The following RIN3 variants were observed in gnomAD, a reference collection of about 807,000 sequenced individuals.
RIN3 encodes Ras and Rab interactor 3, also known as RAB5 interacting protein 3.
Under a neutral mutation model 76.3 loss-of-function variants are expected in RIN3, and 54 were observed. That is an observed-to-expected ratio of 0.71 (90% CI 0.57 to 0.89). The LOEUF is 0.89. RIN3 is among the 40% of genes least tolerant of loss of function. The pLI is 0.00. For synonymous variants in RIN3, 576 were observed against 564.0 expected (o/e 1.02, Z -0.30); for missense variants, 1,256 against 1,322.1 (o/e 0.95, Z 0.78).
At chr14:92,571,537 C>T (rs1898060966) in intron 2 of RIN3, among the ~76,000 whole-genome samples, 1 of 152,168 alleles carries the variant, frequency 6.6e-6, no homozygotes, top group African/African-American at 2.4e-5. Flanking sequence ...CTCACCCATA[C>T]TCACACACAC....
intron 1 of RIN3, among the ~76,000 whole-genome samples, chr14:92,526,476 C>A (rs115558146): frequency 6.6e-6 from 1 of 151,050 alleles, no homozygotes; most frequent in African/African-American, 2.4e-5. Flanking sequence ...ATAAATGGGC[C>A]GGGCGCAGTG....
In RIN3 at chr14:92,676,537, C is replaced by G. The variant is rs1888468288; in HGVS notation, c.2398C>G (p.Leu800Val). ...VLMYVLARSNLTEMLLNVEYM... is the reference protein window; with the variant it reads ...VLMYVLARSNVTEMLLNVEYM... ...CATGTATGTGCTGGCCCGCAGCAAC[C>G]TCACGGAGATGCTTCTCAATGTGGA... The change falls in exon 8 of 10, where the codon CTC becomes GTC. Residue 800 changes from leucine (L) to valine (V), a missense_variant. Around this residue, in one of 3 missense-constraint regions of RIN3, gnomAD observed 428 missense variants for 521.2 expected, o/e 0.82. Transcript: ENST00000216487. 6.2e-7 allele frequency: 1 copy of G among 1,614,038 alleles called. No homozygotes were observed. The highest frequency in any genetic ancestry group is 8.5e-7 in the Non-Finnish European group (1 of 1,180,024).
intron 5 of RIN3, among the ~76,000 whole-genome samples, chr14:92,650,316 G>A (rs1887366535): frequency 6.6e-6 from 1 of 152,244 alleles, no homozygotes; most frequent in African/African-American, 2.4e-5. Context: ...CAGGGCGAGT[G>A]CTTTCATGTT....
In RIN3 at chr14:92,661,723, T is replaced by TCACACACACA. The variant is rs778646491; in HGVS notation, c.2335+2281_2335+2290dup. On this transcript the variant is annotated intron_variant, in intron 7 of 9. Coordinates refer to ENST00000216487, the MANE Select transcript of RIN3 (RefSeq NM_024832.5). Reference sequence around the variant, plus strand: ...TGGGTGGTGACAGAGTGAGACTCTGTCACACACACACACACACACACACAC... The same window carrying TCACACACACA: ...TGGGTGGTGACAGAGTGAGACTCTGTCACACACACACACACACACACACACACACACACAC... Among the ~76,000 whole-genome samples the TCACACACACA allele has an allele frequency of 1.2e-3, 160 of 134,958 alleles. 1 individual carries two copies. The highest frequency in any genetic ancestry group is 2.9e-3 in the African/African-American group (100 of 34,928). 88.5% of individuals were successfully genotyped at this position (134,958 alleles called of 152,430 possible). A position where few individuals can be genotyped will look rare whatever the true frequency, so the allele number is the denominator to read the frequency against.
chr14:92,588,657 A>G (rs916362552), intron 3 of RIN3, among the ~76,000 whole-genome samples: 10 of 152,106 alleles, frequency 6.6e-5, no homozygotes, highest in Non-Finnish European at 1.5e-5. Flanking sequence ...GTTAGGTTTC[A>G]TCATAGGAAT....
chr14:92,577,458 C>T lies in RIN3; in HGVS notation c.348C>T (p.Thr116=), dbSNP rs757246601. ...NESSAEVLEY[T]IKEEKSILYL... is the part of the protein sequence containing the mutation. ...GCTCGGCCGAGGTGCTCGAATACAC[C>T]ATTAAGGAAGAAAAGTCGAGTAAGT... The change falls in exon 3 of 10, where the codon ACC becomes ACT. Residue 116 remains threonine (T), a synonymous_variant. Transcript: ENST00000216487. 1.9e-6 allele frequency: 3 copies of T among 1,611,666 alleles called. No homozygotes were observed. The highest frequency in any genetic ancestry group is 2.5e-6 in the Non-Finnish European group (3 of 1,178,250).
In RIN3 at chr14:92,643,494, C is replaced by T. The variant is rs964544930; in HGVS notation, c.532+2165C>T. On this transcript the variant is annotated intron_variant, in intron 5 of 9. Transcript: ENST00000216487. The surrounding 1 kb of genome is among the most constrained non-coding windows in gnomAD (Gnocchi z 4.8). ...GTTAGTTGTTGGGCTCCAACCCTCC[C>T]AGGATCTTGGATGTGGGACAGGTGA... is the stretch of plus-strand genomic sequence containing the variant. Among the ~76,000 whole-genome samples the T allele has an allele frequency of 1.3e-5, 2 of 152,208 alleles. No homozygotes were observed. The highest frequency in any genetic ancestry group is 2.9e-5 in the Non-Finnish European group (2 of 68,028).
intron 7 of RIN3, among the ~76,000 whole-genome samples, chr14:92,676,156 G>A (rs923094048): frequency 3.3e-5 from 5 of 151,882 alleles, no homozygotes; most frequent in African/African-American, 1.2e-4. Flanking sequence ...AATATGATGT[G>A]AATTTGTCTG....
intron 4 of RIN3, among the ~76,000 whole-genome samples, chr14:92,621,997 G>A (rs897900362): frequency 3.1e-4 from 47 of 152,186 alleles, no homozygotes; most frequent in African/African-American, 1.1e-3. Flanking sequence ...ACTCCAAAGA[G>A]TGCTGGAGCC....
intron 4 of RIN3, among the ~76,000 whole-genome samples, chr14:92,622,100 CCAGTAGA>C (rs147259894): frequency 0.038 from 5,851 of 152,180 alleles, 382 homozygotes; most frequent in African/African-American, 0.13. Context: ...TCCCACTTTC[CCAGTAGA>C]CAGTAAACTC....
chr14:92,577,033 T>C (rs7154653), intron 2 of RIN3, among the ~76,000 whole-genome samples: 94,282 of 151,314 alleles, frequency 0.62, 30,166 homozygotes, highest in Non-Finnish European at 0.7. Context: ...ACAGAATCAG[T>C]GTCTCAGTGG....
At chr14:92,521,852 G>A (rs375504144) in intron 1 of RIN3, among the ~76,000 whole-genome samples, 1 of 152,240 alleles carries the variant, frequency 6.6e-6, no homozygotes, top group African/African-American at 2.4e-5. Flanking sequence ...TGTTACAGTT[G>A]GCTGTGCAGA....
chr14:92,662,836 ATT>A (rs5810608), intron 7 of RIN3, among the ~76,000 whole-genome samples: 111 of 148,536 alleles, frequency 7.5e-4, no homozygotes, highest in Middle Eastern at 3.5e-3. Context: ...AAACAGCATG[ATT>A]TTTTTTTTTT....
chr14:92,547,007 A>ATTT lies in RIN3; in HGVS notation c.45-8742_45-8740dup, dbSNP rs1354653013. ...ATTTTTATTTTATTATTATTATTTT[A>ATTT]TTTTATTATTAATATAATTATTATT... On this transcript the variant is annotated intron_variant, in intron 1 of 9. Transcript: ENST00000216487. Among the ~76,000 whole-genome samples the ATTT allele has an allele frequency of 2.0e-4, 14 of 70,288 alleles. 1 individual carries two copies. Among genetic ancestry groups the ATTT allele is most frequent in the Admixed American group, 5.7e-4 (4 of 7,006 alleles). 46.1% of individuals were successfully genotyped at this position (70,288 alleles called of 152,430 possible).
chr14:92,666,347 T>C (rs1338412273), intron 7 of RIN3, among the ~76,000 whole-genome samples: 1 of 152,242 alleles, frequency 6.6e-6, no homozygotes, highest in Non-Finnish European at 1.5e-5. Flanking sequence ...GGCCATGCTA[T>C]CTTCTCCAGA....
At chr14:92,644,587 G>T (rs889561337) in intron 5 of RIN3, 2 of 152,202 alleles carry the variant, frequency 1.3e-5, no homozygotes, top group Non-Finnish European at 2.9e-5. Flanking sequence ...ACTTCCTAGA[G>T]AACAGGATTT....
rs372753533 is a variant in RIN3 at position 92,579,323 on chromosome 14, G to A, written c.367+1846G>A. 6.6e-5 allele frequency among the ~76,000 whole-genome samples: 10 copies of A among 152,372 alleles called. No homozygotes were observed. The East Asian group carries it at 1.7e-3, about 26-fold the overall frequency. On this transcript the variant is annotated intron_variant, in intron 3 of 9. Coordinates refer to ENST00000216487, the MANE Select transcript of RIN3 (RefSeq NM_024832.5). ...AGGAGGTTTGTTTCAGGGAGAGGCT[G>A]TTACCATCTTTGTTTCAAAGTTAAA...
chr14:92,598,650 A>G (rs4904954), intron 3 of RIN3, among the ~76,000 whole-genome samples: 74,445 of 151,934 alleles, frequency 0.49, 18,549 homozygotes, highest in South Asian at 0.61. Flanking sequence ...CCGGTTCCCA[A>G]CATGAGTTGT....
intron 8 of RIN3, among the ~76,000 whole-genome samples, chr14:92,678,191 C>CATCA (rs1888538352): frequency 1.3e-5 from 2 of 151,308 alleles, no homozygotes; most frequent in South Asian, 4.2e-4. Flanking sequence ...TTCACCCATC[C>CATCA]ATCCATCCAT....
Sources: gnomAD v4.1 joint callset for allele counts (sites outside exome capture counted in the v4.1 genomes callset) on GRCh38, gnomAD v4.1.1 for gene constraint, gnomAD v4.1.1 regional missense constraint, Gnocchi (gnomAD v3.1) non-coding constraint, MANE v1.5 for transcripts, NCBI Gene and HGNC (gene_info 2026-07-23, HGNC 2026-07-21) for gene names.